The following SPTAN1 variants were observed in gnomAD, a reference collection of about 807,000 sequenced individuals.
SPTAN1 encodes spectrin alpha chain, non-erythrocytic 1.
A neutral mutation model predicts 331.3 loss-of-function variants in SPTAN1; 61 were observed. The ratio of observed to expected loss-of-function variants is 0.18; its 90% CI spans 0.15 to 0.23. SPTAN1 has a LOEUF of 0.23. Among genes scored for constraint, SPTAN1 ranks in the 10% least tolerant of loss-of-function variants. The pLI, the probability that SPTAN1 is intolerant of heterozygous loss-of-function variation, is 1.00. For synonymous variants in SPTAN1, 1,153 were observed against 1,173.9 expected, an observed-to-expected ratio of 0.98 and a Z score of 0.36; for missense variants, 2,043 against 3,147.9, an observed-to-expected ratio of 0.65 and a Z score of 8.40.
Position 128,625,919 on chromosome 9 carries a change from C to T in SPTAN1, c.6220C>T (p.Leu2074=). The T allele has an allele frequency of 1.2e-6, 2 of 1,614,208 alleles. No homozygotes were observed. Among genetic ancestry groups the T allele is most frequent in the Non-Finnish European group, 1.7e-6 (2 of 1,180,032 alleles). Residue 2074 remains leucine (L), a synonymous_variant, in exon 48 of 57, where the codon CTG becomes TTG. Coordinates refer to ENST00000372739, the MANE Select transcript of SPTAN1 (RefSeq NM_001130438.3). This position sits in a 1 kb window ranked among gnomAD's most constrained non-coding sequence, Gnocchi z 4.1. ...CCTCATGAAGAGGTGGAGCCAGCTT[C>T]TGGCCAACTCAGCCGCCCGCAAGAA... The part of the protein sequence containing the change: ...ASLMKRWSQL[L]ANSAARKKKL...
chr9:128,632,895 C>T lies in SPTAN1; in HGVS notation c.7248C>T (p.Ser2416=), dbSNP rs148984013. 2.8e-5 allele frequency: 45 copies of T among 1,613,848 alleles called. No individual in the cohort carries two copies. The highest frequency in any genetic ancestry group is 2.3e-4 in the African/African-American group (17 of 75,042). ...TCAAGTCCAGCGAGGAGATTGAGAG[C>T]GCCTTCCGGGCCCTCAGCTCAGAGG... ...ENVKSSEEIE[S]AFRALSSEGK... is the part of the protein sequence containing the mutation. The change falls in exon 56 of 57, where the codon AGC becomes AGT. Residue 2416 remains serine, a synonymous_variant. Transcript: ENST00000372739.
At chr9:128,604,649 AG>A (rs1253260925) in intron 29 of SPTAN1, among the ~76,000 whole-genome samples, 1 of 152,150 alleles carries the variant, frequency 6.6e-6, no homozygotes, top group Non-Finnish European at 1.5e-5. Flanking sequence ...AAATTTTTTT[AG>A]GCTGGGCGTG....
intron 26 of SPTAN1, 138 bp from the exon 27 acceptor site, chr9:128,599,942 A>C: frequency 1.1e-6 from 1 of 876,846 alleles, no homozygotes. Flanking sequence ...CAAACTATGG[A>C]GGGAAAATGC....
At chr9:128,561,961 T>C (rs75593228) in intron 1 of SPTAN1, among the ~76,000 whole-genome samples, 3,379 of 152,164 alleles carry the variant, frequency 0.022, 111 homozygotes, top group African/African-American at 0.078. Flanking sequence ...AAAGGACTTA[T>C]GAATGTGGTA....
chr9:128,583,372 G>C, intron 15 of SPTAN1, 91 bp downstream of exon 15: 1 of 1,299,960 alleles, frequency 7.7e-7, no homozygotes, highest in East Asian at 2.5e-5. Flanking sequence ...TACCCCCCAA[G>C]AAAGGTGAGG....
In SPTAN1 at chr9:128,578,835, G is replaced by GA. The variant is rs10600950; in HGVS notation, c.1221+609dup. On this transcript the variant is annotated intron_variant, in intron 9 of 56. Coordinates refer to ENST00000372739, the MANE Select transcript of SPTAN1 (RefSeq NM_001130438.3). ...CAAGAGTGTTTCACTCTGTCTCAAA[G>GA]AAAAAAAAAAAAAAAAAAACCTTCT... Among the ~76,000 whole-genome samples, 89 of 119,222 alleles carry GA rather than the reference G, an allele frequency of 7.5e-4. 1 individual carries two copies. The highest frequency in any genetic ancestry group is 5.2e-3 in the South Asian group (19 of 3,626). The allele number at this position is 119,222 out of a possible 152,430, so 78.2% of individuals were successfully genotyped here. A position where few individuals can be genotyped will look rare whatever the true frequency, so the allele number is the denominator to read the frequency against.
chr9:128,578,496 G>A (rs757093848), intron 9 of SPTAN1, among the ~76,000 whole-genome samples: 1 of 152,304 alleles, frequency 6.6e-6, no homozygotes, highest in Non-Finnish European at 1.5e-5. Flanking sequence ...TGGCGAGATA[G>A]AAGTGCTACT....
Position 128,629,032 on chromosome 9 carries a change from C to T in SPTAN1, c.6707+1090C>T. 1 of 397,800 alleles carries T rather than the reference C, an allele frequency of 2.5e-6. No homozygotes were observed. Among genetic ancestry groups the T allele is most frequent in the Non-Finnish European group, 4.4e-6 (1 of 225,608 alleles). The allele number at this position is 397,800 out of a possible 1,614,324, so 24.6% of individuals were successfully genotyped here. A position where few individuals can be genotyped will look rare whatever the true frequency, so the allele number is the denominator to read the frequency against. ...GGGCACCAGGTTGCCCTTGCCTGCG[C>T]CCTGCCAGCTTGGGCTTTGTGTGTG... On this transcript the variant is annotated intron_variant, in intron 51 of 56. Coordinates refer to ENST00000372739, the MANE Select transcript of SPTAN1 (RefSeq NM_001130438.3). The surrounding 1 kb of genome is among the most constrained non-coding windows in gnomAD (Gnocchi z 4.9).
At chr9:128,626,203 G>T in intron 48 of SPTAN1, 188 bp from the exon 49 acceptor site, 2 of 934,732 alleles carry the variant, frequency 2.1e-6, no homozygotes, top group South Asian at 2.9e-5. Flanking sequence ...AGGGCAAAGG[G>T]TAGGAAGGGG....
At chr9:128,632,506 C>G in intron 54 of SPTAN1, 22 bp downstream of exon 54, 1 of 1,614,188 alleles carries the variant, frequency 6.2e-7, no homozygotes, top group East Asian at 2.2e-5. Flanking sequence ...CTTACTCGCC[C>G]TGGCTGGGTG....
In SPTAN1 at chr9:128,607,688, G is replaced by A; in HGVS notation, c.4131G>A (p.Leu1377=). 1 of 1,614,104 alleles carries A rather than the reference G, an allele frequency of 6.2e-7. No individual in the cohort carries two copies. The highest frequency in any genetic ancestry group is 8.5e-7 in the Non-Finnish European group (1 of 1,180,024). The change falls in exon 32 of 57, where the codon TTG becomes TTA. Residue 1377 remains leucine (L), a synonymous_variant. Transcript: ENST00000372739. The part of the protein sequence containing the change: ...LAKDVTGAEA[L]LERHQEHRTE... ...AGGATGTCACCGGAGCTGAGGCATT[G>A]CTGGAGCGACACCAGGTGGGTGGAC... is the stretch of plus-strand genomic sequence containing the variant.
At chr9:128,603,991 A>C (rs985702220) in intron 28 of SPTAN1, among the ~76,000 whole-genome samples, 19 of 152,072 alleles carry the variant, frequency 1.2e-4, no homozygotes, top group African/African-American at 4.6e-4. Context: ...ACTCGCTGGG[A>C]TTTCTCCACG....
intron 52 of SPTAN1, chr9:128,631,872 GT>G (rs1381623927): frequency 9.2e-6 from 5 of 543,352 alleles, no homozygotes; most frequent in Non-Finnish European, 1.6e-5. Context: ...CGCCGTACTT[GT>G]CCTTGGCGTG....
At chr9:128,631,131 C>T (rs1185944792) in intron 52 of SPTAN1, among the ~76,000 whole-genome samples, 1 of 152,182 alleles carries the variant, frequency 6.6e-6, no homozygotes, top group African/African-American at 2.4e-5. Flanking sequence ...AAGCATGAGC[C>T]ACCACTCCCG....
Position 128,583,804 on chromosome 9 carries a change from A to G in SPTAN1, c.2028A>G (p.Glu676=). The change falls in exon 16 of 57, where the codon GAA becomes GAG. Residue 676 remains glutamate, a synonymous_variant. Coordinates refer to ENST00000372739, the MANE Select transcript of SPTAN1 (RefSeq NM_001130438.3). Reference sequence around the variant, plus strand: ...CTTCCATAGGAATAAAGCTTCGTGAAGCCAACCAGCAACAGCAATTTAATC... The same window carrying G: ...CTTCCATAGGAATAAAGCTTCGTGAGGCCAACCAGCAACAGCAATTTAATC... The part of the protein sequence containing the change: ...ATELKGIKLR[E]ANQQQQFNRN... 2 of 1,614,242 alleles carry G rather than the reference A, an allele frequency of 1.2e-6. No homozygotes were observed. The highest frequency in any genetic ancestry group is 1.7e-6 in the Non-Finnish European group (2 of 1,180,048).
intron 1 of SPTAN1, among the ~76,000 whole-genome samples, chr9:128,554,100 GTGC>G (rs1465499837): frequency 4.6e-5 from 7 of 151,978 alleles, no homozygotes; most frequent in Non-Finnish European, 1.0e-4. Context: ...GAAAAAAAAA[GTGC>G]TGCAGTAAAG....
intron 27 of SPTAN1, among the ~76,000 whole-genome samples, chr9:128,602,981 A>G (rs896748451): frequency 1.3e-5 from 2 of 152,154 alleles, no homozygotes; most frequent in Admixed American, 6.5e-5. Flanking sequence ...GTTGAAATGT[A>G]CGTTGTTGAA....
intron 26 of SPTAN1, chr9:128,599,789 G>A (rs1033531385): frequency 2.3e-6 from 1 of 429,868 alleles, no homozygotes; most frequent in African/African-American, 2.0e-5. Flanking sequence ...ACAATCTTAT[G>A]AGTACAACAT....
intron 23 of SPTAN1, chr9:128,593,319 C>T: frequency 1.9e-6 from 1 of 522,678 alleles, no homozygotes. Context: ...GGACCAGCCA[C>T]TATCAGCAGC....
Sources: gnomAD v4.1 joint callset for allele counts (sites outside exome capture counted in the v4.1 genomes callset) on GRCh38, gnomAD v4.1.1 for gene constraint, Gnocchi (gnomAD v3.1) non-coding constraint, MANE v1.5 for transcripts, NCBI Gene and HGNC (gene_info 2026-07-23, HGNC 2026-07-21) for gene names.